The following ARL17B variants were observed in gnomAD, a reference collection of about 807,000 sequenced individuals.
The protein encoded by ARL17B is ADP-ribosylation factor-like protein 17.
chr17:46,279,179 T>C lies in ARL17B; in HGVS notation c.*22-3761A>G, dbSNP rs978346723. Among the ~76,000 whole-genome samples, 28 of 151,952 alleles carry C rather than the reference T, an allele frequency of 1.8e-4. 1 individual carries two copies. The highest frequency in any genetic ancestry group is 6.2e-4 in the South Asian group (3 of 4,830). On this transcript the variant is annotated intron_variant, in intron 4 of 4. Coordinates refer to the ARL17B transcript ENST00000570618. ...GTCCTTTGCTAATAAGGCATTCTTT[T>C]TTTTCTTTTTTTTTTTTTTTTTGAG...
At chr17:46,281,214 T>A (rs2049754128) in intron 4 of ARL17B, among the ~76,000 whole-genome samples, 1 of 152,178 alleles carries the variant, frequency 6.6e-6, no homozygotes, top group Non-Finnish European at 1.5e-5. Context: ...GTTTATCAAC[T>A]GACCCCTTGC....
intron 4 of ARL17B, among the ~76,000 whole-genome samples, chr17:46,287,464 G>A (rs2049950542): frequency 6.6e-6 from 1 of 152,206 alleles, no homozygotes; most frequent in African/African-American, 2.4e-5. Flanking sequence ...TACACTACAA[G>A]GACCATGCAG....
chr17:46,291,641 G>C (rs948255239), intron 4 of ARL17B, among the ~76,000 whole-genome samples: 10 of 152,154 alleles, frequency 6.6e-5, no homozygotes, highest in Admixed American at 1.3e-4. Flanking sequence ...GACAACCAGG[G>C]CCCATACGGT....
intron 4 of ARL17B, among the ~76,000 whole-genome samples, chr17:46,276,584 A>T (rs1409003757): frequency 1.3e-5 from 2 of 152,220 alleles, no homozygotes; most frequent in African/African-American, 4.8e-5. Flanking sequence ...AATGAAAACA[A>T]TGTGCAAACA....
At chr17:46,274,500 T>G (rs2049536231), downstream of ARL17B, among the ~76,000 whole-genome samples, 1 of 152,214 alleles carries the variant, frequency 6.6e-6, no homozygotes, top group Non-Finnish European at 1.5e-5. Context: ...GCTCCTTTCA[T>G]AGAAAGAAAA....
chr17:46,317,142 G>A (rs532713747), intron 3 of ARL17B, among the ~76,000 whole-genome samples: 3 of 89,938 alleles, frequency 3.3e-5, no homozygotes, highest in Admixed American at 1.1e-4. Context: ...CTCCCAGATG[G>A]GGTGGCGGCC....
intron 4 of ARL17B, among the ~76,000 whole-genome samples, chr17:46,279,404 G>C (rs2732695): frequency 1.3e-5 from 2 of 151,094 alleles, no homozygotes; most frequent in Non-Finnish European, 2.9e-5. Context: ...GGCTGGTCTT[G>C]AACTCCCGAC....
chr17:46,286,511 T>C (rs2049916390), intron 4 of ARL17B, among the ~76,000 whole-genome samples: 1 of 152,206 alleles, frequency 6.6e-6, no homozygotes, highest in Admixed American at 6.5e-5. Flanking sequence ...TCCAAACAAG[T>C]CAAGCTAGTT....
At chr17:46,281,717 C>T (rs1276124722) in intron 4 of ARL17B, among the ~76,000 whole-genome samples, 2 of 152,076 alleles carry the variant, frequency 1.3e-5, no homozygotes, top group Admixed American at 6.6e-5. Context: ...GATCTTGGCA[C>T]ACTGCAACCT....
intron 4 of ARL17B, among the ~76,000 whole-genome samples, chr17:46,288,706 C>CTTTCTTTTTT (rs2049986251): frequency 7.2e-6 from 1 of 139,060 alleles, no homozygotes; most frequent in Non-Finnish European, 1.6e-5. Flanking sequence ...CTTGTTTTTT[C>CTTTCTTTTTT]TTTTTTTTTT....
At position 46,339,368 on chromosome 17, in the gene ARL17B, A is replaced by AGAT; in HGVS notation, c.*129_*131dup. 3.3e-6 allele frequency: 1 copy of AGAT among 305,030 alleles called. No homozygotes were observed. Among genetic ancestry groups the AGAT allele is most frequent in the Non-Finnish European group, 6.9e-6 (1 of 144,916 alleles). 18.9% of individuals were successfully genotyped at this position (305,030 alleles called of 1,614,324 possible). A position where few individuals can be genotyped will look rare whatever the true frequency, so the allele number is the denominator to read the frequency against. On this transcript the variant is annotated 3_prime_UTR_variant, in exon 4 of 4. Coordinates refer to ENST00000450673, the MANE Select transcript of ARL17B (RefSeq NM_001039083.5). ...ATTTCTTCTTATGTTACACTACCCC[A>AGAT]GATAGGAAAACAGAAATTACTCTAG...
At chr17:46,279,380 T>C (rs113896715) in intron 4 of ARL17B, among the ~76,000 whole-genome samples, 15,811 of 147,962 alleles carry the variant, frequency 0.11, no homozygotes, top group Middle Eastern at 0.16. Context: ...GACGAGGTTT[T>C]GCCATGTTGT....
At chr17:46,278,406 T>A (rs559917814) in intron 4 of ARL17B, among the ~76,000 whole-genome samples, 1 of 140,608 alleles carries the variant, frequency 7.1e-6, no homozygotes, top group Non-Finnish European at 1.6e-5. Context: ...ATTTTGTTTT[T>A]TTTTTGTTGT....
At chr17:46,289,526 G>A (rs973735677) in intron 4 of ARL17B, among the ~76,000 whole-genome samples, 3 of 152,104 alleles carry the variant, frequency 2.0e-5, no homozygotes, top group Non-Finnish European at 4.4e-5. Context: ...TTCTTTTAGA[G>A]ATAGGGTTTC....
At position 46,314,630 on chromosome 17, in the gene ARL17B, G is replaced by A. The variant is rs1466893840; in HGVS notation, c.260-14965C>T. 2.7e-5 allele frequency among the ~76,000 whole-genome samples: 2 copies of A among 72,906 alleles called. 1 individual carries two copies. The highest frequency in any genetic ancestry group is 8.1e-5 in the Non-Finnish European group (2 of 24,570). The allele number at this position is 72,906 out of a possible 152,430, so 47.8% of individuals were successfully genotyped here. On this transcript the variant is annotated intron_variant, in intron 3 of 4. Transcript: ENST00000434041. ...GAGCTACCATGCCCAGCCAATAAAT[G>A]AAAACTTTTTCACTCAAAAAAACAA...
At position 46,284,901 on chromosome 17, in the gene ARL17B, G is replaced by A. The variant is rs368714760; in HGVS notation, c.*22-9483C>T. Among the ~76,000 whole-genome samples the A allele has an allele frequency of 4.3e-3, 649 of 152,200 alleles. 10 individuals are homozygous for A. The highest frequency in any genetic ancestry group is 0.017 in the Middle Eastern group (5 of 294). ...CCCCATTGTTTTGAGACAGGGTCTC[G>A]CTCTGTCATCCAGGCTGGAGTGGAG... is the stretch of plus-strand genomic sequence containing the variant. On this transcript the variant is annotated intron_variant, in intron 4 of 4. Coordinates refer to the ARL17B transcript ENST00000570618.
At chr17:46,279,500 C>CTTT (rs369361891) in intron 4 of ARL17B, among the ~76,000 whole-genome samples, 8 of 122,434 alleles carry the variant, frequency 6.5e-5, no homozygotes, top group East Asian at 2.5e-4. Context: ...TTCTTTCTTT[C>CTTT]TTTTTTTTTT....
At chr17:46,333,156 G>C (rs1163460115), downstream of ARL17B, among the ~76,000 whole-genome samples, 1 of 107,054 alleles carries the variant, frequency 9.3e-6, no homozygotes, top group African/African-American at 2.9e-5. Flanking sequence ...TGTCTAAATA[G>C]GTCCAGTTAA....
intron 4 of ARL17B, among the ~76,000 whole-genome samples, chr17:46,275,809 T>C (rs2668626): frequency 0.12 from 18,467 of 152,074 alleles, no homozygotes; most frequent in Non-Finnish European, 0.18. Flanking sequence ...AAAATTATGC[T>C]AAAACAAAAG....
Sources: gnomAD v4.1 joint callset for allele counts (sites outside exome capture counted in the v4.1 genomes callset) on GRCh38, gnomAD v4.1.1 for gene constraint, MANE v1.5 for transcripts, NCBI Gene and HGNC (gene_info 2026-07-23, HGNC 2026-07-21) for gene names.